Variants in PHGDH observed in about 807,000 individuals in gnomAD.
PHGDH encodes phosphoglycerate dehydrogenase, also known as D-3-phosphoglycerate dehydrogenase.
PHGDH carries 50 observed loss-of-function variants against 52.6 expected under a neutral mutation model. The ratio of observed to expected loss-of-function variants is 0.95; its 90% confidence interval spans 0.76 to 1.20. The LOEUF (loss-of-function observed/expected upper bound fraction) is 1.20. Among genes scored for constraint, PHGDH ranks in the 50% most tolerant of loss-of-function variants. The pLI is 0.00. For missense variants in PHGDH, 630 were observed against 684.6 expected (o/e 0.92, Z 0.89); for synonymous variants, 271 against 280.5 (o/e 0.97, Z 0.34).
intron 5 of PHGDH, 129 bp downstream of exon 5, chr1:119,727,231 A>C: frequency 1.4e-6 from 1 of 711,758 alleles, no homozygotes; most frequent in Non-Finnish European, 2.6e-6. Context: ...CCCCATCTAA[A>C]TAAGTGTTAA....
At chr1:119,742,610 T>C in intron 10 of PHGDH, 197 bp from the exon 11 acceptor site, 2 of 636,710 alleles carry the variant, frequency 3.1e-6, no homozygotes, top group Non-Finnish European at 5.7e-6. Flanking sequence ...TTTAAGGAGA[T>C]CATTGGCTGT....
Position 119,737,096 on chromosome 1 carries a change from G to A in PHGDH, c.793-18G>A, listed in dbSNP as rs1427505324. ...CCAGTCCATGGCAGCCAACTTAGAGGTATCTCTTTCTGGGCAGGAGCCGCC... is the reference window on the plus strand; with the variant it reads ...CCAGTCCATGGCAGCCAACTTAGAGATATCTCTTTCTGGGCAGGAGCCGCC... On this transcript the variant is annotated intron_variant, in intron 7 of 11. Transcript: ENST00000641023. 3.7e-6 allele frequency: 6 copies of A among 1,613,544 alleles called. No individual in the cohort carries two copies.
chr1:119,721,026 AG>A (rs1651128995), intron 1 of PHGDH, 143 bp from the exon 2 acceptor site: 4 of 807,700 alleles, frequency 5.0e-6, no homozygotes, highest in Non-Finnish European at 8.9e-6. Flanking sequence ...AGTATACCAA[AG>A]ATATCTATGA....
intron 1 of PHGDH, among the ~76,000 whole-genome samples, chr1:119,719,441 C>G (rs1557966702): frequency 6.6e-6 from 1 of 152,208 alleles, no homozygotes; most frequent in African/African-American, 2.4e-5. Context: ...CTCTGACGTT[C>G]TGCTTCAGAA....
chr1:119,735,466 G>A (rs761194837), intron 7 of PHGDH, 23 bp downstream of exon 7: 26 of 1,607,770 alleles, frequency 1.6e-5, no homozygotes, highest in African/African-American at 1.6e-4. Context: ...CAGCCTCAGC[G>A]TCAGGAGGAC....
At chr1:119,721,767 A>G (rs1651178293) in intron 2 of PHGDH, 1 of 160,658 alleles carries the variant, frequency 6.2e-6, no homozygotes, top group African/African-American at 2.4e-5. Context: ...ACAGAGGCAC[A>G]ACCTTTGCTA....
chr1:119,721,361 G>T, intron 2 of PHGDH, 40 bp downstream of exon 2: 2 of 1,603,204 alleles, frequency 1.2e-6, no homozygotes, highest in East Asian at 2.2e-5. Flanking sequence ...GGGTAGGGGG[G>T]TGAGTGCGGA....
chr1:119,736,744 T>C (rs1166811567), intron 7 of PHGDH, among the ~76,000 whole-genome samples: 2 of 152,302 alleles, frequency 1.3e-5, no homozygotes, highest in East Asian at 3.9e-4. Context: ...GTAGCTCCTA[T>C]TGGTCAAGGG....
At chr1:119,719,873 G>C (rs1393770198) in intron 1 of PHGDH, 2 of 152,230 alleles carry the variant, frequency 1.3e-5, no homozygotes, top group African/African-American at 4.8e-5. Flanking sequence ...GCTCTACGGG[G>C]AAAATGGATC....
intron 2 of PHGDH, among the ~76,000 whole-genome samples, chr1:119,722,983 C>T (rs1651240988): frequency 6.6e-6 from 1 of 151,488 alleles, no homozygotes; most frequent in Non-Finnish European, 1.5e-5. Flanking sequence ...GAGACTCTGA[C>T]CTTGGTAAGA....
intron 1 of PHGDH, among the ~76,000 whole-genome samples, chr1:119,717,070 T>C (rs375482198): frequency 1.3e-5 from 2 of 151,770 alleles, no homozygotes; most frequent in South Asian, 4.2e-4. Context: ...TTTATTGTGC[T>C]CTTTATCCTT....
chr1:119,723,517 A>G (rs1651267929), intron 3 of PHGDH, 76 bp downstream of exon 3: 1 of 1,106,862 alleles, frequency 9.0e-7, no homozygotes, highest in Non-Finnish European at 1.4e-6. Context: ...AAATGGACCC[A>G]GAAAAACTTA....
chr1:119,724,759 C>T, intron 3 of PHGDH: 1 of 456,238 alleles, frequency 2.2e-6, no homozygotes, highest in South Asian at 1.5e-5. Flanking sequence ...GATTGGGAGC[C>T]AGCAATACTT....
intron 1 of PHGDH, chr1:119,720,722 T>C: frequency 4.1e-6 from 1 of 244,380 alleles, no homozygotes; most frequent in South Asian, 5.7e-5. Context: ...TCTTTGGATA[T>C]ATCAAAATCA....
At position 119,734,642 on chromosome 1, in the gene PHGDH, G is replaced by T. The variant is rs754326499; in HGVS notation, c.519G>T (p.Gly173=). 3.7e-6 allele frequency: 6 copies of T among 1,614,016 alleles called. No individual in the cohort carries two copies. The highest frequency in any genetic ancestry group is 5.1e-6 in the Non-Finnish European group (6 of 1,179,916). The part of the protein sequence containing the change: ...RMQSFGMKTI[G]YDPIISPEVS... The stretch of plus-strand genomic sequence containing the variant: ...CTCTTGCTTCCAACCAGACTATAGG[G>T]TATGACCCCATCATTTCCCCAGAGG... Residue 173 remains glycine (G), a synonymous_variant, in exon 6 of 12, where the codon GGG becomes GGT. Transcript: ENST00000641023.
Position 119,736,340 on chromosome 1 carries a change from C to T in PHGDH, c.793-774C>T, listed in dbSNP as rs1310106640. On this transcript the variant is annotated intron_variant, in intron 7 of 11. Coordinates refer to ENST00000641023, the MANE Select transcript of PHGDH (RefSeq NM_006623.4). ...CACCTTCTCCTGCTCTCTTCAGCAT[C>T]CTTGAACCACTTGCTGGTGGTACTT... is the stretch of plus-strand genomic sequence containing the variant. Among the ~76,000 whole-genome samples, 4 of 152,248 alleles carry T rather than the reference C, an allele frequency of 2.6e-5. No individual in the cohort carries two copies. The East Asian group carries it at 7.7e-4, about 29-fold the overall frequency.
intron 5 of PHGDH, 94 bp from the exon 6 acceptor site, chr1:119,734,540 A>G (rs1651844669): frequency 8.5e-7 from 1 of 1,182,060 alleles, no homozygotes; most frequent in African/African-American, 1.5e-5. Context: ...TAGTTAGTAT[A>G]TGGTAAATGC....
chr1:119,727,638 G>A (rs1477472523), intron 5 of PHGDH: 6 of 152,870 alleles, frequency 3.9e-5, no homozygotes, highest in African/African-American at 1.5e-4. Flanking sequence ...GACCATCCTG[G>A]ATAACATGGT....
At chr1:119,737,353 G>C in intron 8 of PHGDH, 87 bp downstream of exon 8, 7 of 1,157,626 alleles carry the variant, frequency 6.0e-6, no homozygotes, top group African/African-American at 1.5e-5. Context: ...GGCAGCGTGG[G>C]TGAATAGATT....
Sources: gnomAD v4.1 joint callset for allele counts (sites outside exome capture counted in the v4.1 genomes callset) on GRCh38, gnomAD v4.1.1 for gene constraint, MANE v1.5 for transcripts, NCBI Gene and HGNC (gene_info 2026-07-23, HGNC 2026-07-21) for gene names.